The following HPSE2 variants were observed in gnomAD, a reference collection of about 807,000 sequenced individuals.
The protein encoded by HPSE2 is heparanase 2 (inactive).
Under a neutral mutation model 60.5 loss-of-function variants are expected in HPSE2, and 38 were observed. The observed-to-expected ratio is 0.63, with a 90% CI of 0.48 to 0.82. The LOEUF is 0.82. Ranked by LOEUF, HPSE2 falls within the 40% of genes least tolerant of loss-of-function variation. HPSE2 has a pLI of 0.00. For missense variants in HPSE2, 713 were observed against 740.4 expected (o/e 0.96, Z 0.43); for synonymous variants, 295 against 293.2 (o/e 1.01, Z -0.06).
intron 9 of HPSE2, among the ~76,000 whole-genome samples, chr10:98,607,191 T>C (rs1945617161): frequency 6.6e-6 from 1 of 151,972 alleles, no homozygotes; most frequent in Admixed American, 6.6e-5. Flanking sequence ...GTTCTTCTCA[T>C]TCCAGAGCTG....
At chr10:99,098,895 A>G (rs1589652114) in intron 3 of HPSE2, among the ~76,000 whole-genome samples, 1 of 152,220 alleles carries the variant, frequency 6.6e-6, no homozygotes. Flanking sequence ...GTACATAAAG[A>G]GCAGGTCTGA....
At chr10:99,207,355 C>T (rs1417821552) in intron 2 of HPSE2, among the ~76,000 whole-genome samples, 1 of 152,080 alleles carries the variant, frequency 6.6e-6, no homozygotes, top group Non-Finnish European at 1.5e-5. Context: ...CAAATAAAGG[C>T]TAAGGAACTC....
intron 9 of HPSE2, among the ~76,000 whole-genome samples, chr10:98,526,049 C>T (rs1591314215): frequency 6.6e-6 from 1 of 152,290 alleles, no homozygotes; most frequent in South Asian, 2.1e-4. Flanking sequence ...AGGGATATGA[C>T]AACTGCCATC....
At chr10:99,045,321 C>T (rs376800674) in intron 3 of HPSE2, among the ~76,000 whole-genome samples, 1 of 151,954 alleles carries the variant, frequency 6.6e-6, no homozygotes, top group Non-Finnish European at 1.5e-5. Context: ...AAATTAGGAA[C>T]AAAACATGCC....
chr10:98,707,879 T>G (rs1948586014), intron 5 of HPSE2, among the ~76,000 whole-genome samples: 1 of 152,178 alleles, frequency 6.6e-6, no homozygotes, highest in Non-Finnish European at 1.5e-5. Flanking sequence ...TTTGAAAAAC[T>G]GGAATAATGA....
intron 3 of HPSE2, among the ~76,000 whole-genome samples, chr10:98,874,867 T>C (rs1250716610): frequency 6.6e-6 from 1 of 152,098 alleles, no homozygotes; most frequent in Non-Finnish European, 1.5e-5. Context: ...ATTAAGATAA[T>C]CATGTCGTTT....
At chr10:98,910,014 C>G (rs1300814140) in intron 3 of HPSE2, among the ~76,000 whole-genome samples, 1 of 151,978 alleles carries the variant, frequency 6.6e-6, no homozygotes, top group Non-Finnish European at 1.5e-5. Context: ...TAGTATTTTC[C>G]AAGTTTTCTG....
intron 2 of HPSE2, among the ~76,000 whole-genome samples, chr10:99,169,564 A>C (rs576711810): frequency 6.8e-6 from 1 of 148,000 alleles, no homozygotes; most frequent in Non-Finnish European, 1.5e-5. Flanking sequence ...TGACCCATTT[A>C]ACTTGTAAAA....
At chr10:99,226,546 T>C (rs1002365320) in intron 2 of HPSE2, among the ~76,000 whole-genome samples, 4 of 152,154 alleles carry the variant, frequency 2.6e-5, no homozygotes, top group African/African-American at 4.8e-5. Flanking sequence ...TTATATCATA[T>C]CAGAGAATAA....
intron 4 of HPSE2, among the ~76,000 whole-genome samples, chr10:98,742,036 T>C (rs1949510144): frequency 6.6e-6 from 1 of 152,182 alleles, no homozygotes; most frequent in Non-Finnish European, 1.5e-5. Context: ...TAAAAGACTT[T>C]ACTGACAATG....
intron 9 of HPSE2, among the ~76,000 whole-genome samples, chr10:98,517,605 T>A (rs1269234635): frequency 2.6e-5 from 4 of 152,152 alleles, no homozygotes; most frequent in Non-Finnish European, 5.9e-5. Flanking sequence ...CTTAAGAAAC[T>A]TTTTTTCCAT....
intron 7 of HPSE2, among the ~76,000 whole-genome samples, chr10:98,635,726 G>A (rs1946479772): frequency 2.0e-5 from 3 of 148,442 alleles, no homozygotes; most frequent in African/African-American, 7.4e-5. Context: ...AGGCTGCAGT[G>A]AGCTATAATT....
rs529504537 is a variant in HPSE2, at chr10:99,225,644, G to C, written c.448+6704C>G. Among the ~76,000 whole-genome samples, 16 of 152,172 alleles carry C rather than the reference G, an allele frequency of 1.1e-4. 1 individual carries two copies. In the South Asian group the frequency reaches 3.3e-3, roughly 32 times the overall value. On this transcript the variant is annotated intron_variant, in intron 2 of 11. Coordinates refer to ENST00000370552, the MANE Select transcript of HPSE2 (RefSeq NM_021828.5). ...ATAACACAGTTTAGTTAGAGGGAGG[G>C]GATGAATGTGTCTAGTGATTTGGAA...
intron 3 of HPSE2, among the ~76,000 whole-genome samples, chr10:99,068,946 A>G (rs1490137192): frequency 6.6e-6 from 1 of 152,218 alleles, no homozygotes; most frequent in African/African-American, 2.4e-5. Context: ...CAGACCTATA[A>G]TGAGTAAAGA....
chr10:98,598,950 G>A (rs949467136), intron 9 of HPSE2, among the ~76,000 whole-genome samples: 3 of 152,014 alleles, frequency 2.0e-5, no homozygotes, highest in African/African-American at 4.8e-5. Context: ...GTGCTGGCTT[G>A]GAAACTAGGT....
intron 3 of HPSE2, among the ~76,000 whole-genome samples, chr10:99,020,432 T>C (rs1049008051): frequency 1.3e-5 from 2 of 152,204 alleles, no homozygotes; most frequent in Non-Finnish European, 2.9e-5. Context: ...GTCTCCTGGC[T>C]CCCAGCCCAG....
chr10:98,948,365 C>T (rs906500236), intron 3 of HPSE2, among the ~76,000 whole-genome samples: 1 of 152,080 alleles, frequency 6.6e-6, no homozygotes, highest in Admixed American at 6.6e-5. Context: ...CTAATGGACA[C>T]CACACAAGAG....
At chr10:99,051,027 TTTG>T (rs1290442721) in intron 3 of HPSE2, among the ~76,000 whole-genome samples, 1 of 152,142 alleles carries the variant, frequency 6.6e-6, no homozygotes, top group Admixed American at 6.5e-5. Context: ...ACAGTTATCA[TTTG>T]TTAATATCCA....
intron 3 of HPSE2, among the ~76,000 whole-genome samples, chr10:99,045,243 G>T (rs80218165): frequency 0.016 from 2,470 of 152,220 alleles, 101 homozygotes; most frequent in East Asian, 0.15. Flanking sequence ...TTAACAATTT[G>T]CTCCCAAATA....
Sources: allele counts gnomAD v4.1 joint callset (sites outside exome capture counted in the v4.1 genomes callset), GRCh38; gene constraint gnomAD v4.1.1; transcripts MANE v1.5; gene names NCBI Gene and HGNC (gene_info 2026-07-23, HGNC 2026-07-21).